The following ROBO1 variants were observed in gnomAD, a reference collection of about 807,000 sequenced individuals.
The protein encoded by ROBO1 is roundabout homolog 1.
A neutral mutation model predicts 195.9 loss-of-function variants in ROBO1; 149 were observed. The observed-to-expected ratio is 0.76, with a 90% confidence interval of 0.67 to 0.87. The LOEUF is 0.87. ROBO1 is among the 40% of genes least tolerant of loss of function. The probability of loss-of-function intolerance (pLI) is 0.00; values close to 1 mark genes in which losing one functional copy is unlikely to be tolerated. For missense variants in ROBO1, 1,933 were observed against 2,068.3 expected (o/e 0.93, Z 1.27); for synonymous variants, 816 against 733.2 (o/e 1.11, Z -1.82).
At chr3:79,056,077 C>G (rs377052514) in intron 3 of ROBO1, among the ~76,000 whole-genome samples, 1 of 152,126 alleles carries the variant, frequency 6.6e-6, no homozygotes, top group South Asian at 2.1e-4. Context: ...ATGCCTGCCC[C>G]TGCTTTAATA....
chr3:78,690,032 A>T (rs2081136948), intron 8 of ROBO1, among the ~76,000 whole-genome samples: 1 of 148,228 alleles, frequency 6.7e-6, no homozygotes, highest in Non-Finnish European at 1.5e-5. Context: ...AAAGTTATAG[A>T]TTTTATAAAT....
chr3:78,874,066 G>A (rs1254936649), intron 4 of ROBO1, among the ~76,000 whole-genome samples: 1 of 151,594 alleles, frequency 6.6e-6, no homozygotes, highest in Non-Finnish European at 1.5e-5. Context: ...TAAAGTATGA[G>A]CAACGGGCAT....
chr3:79,757,510 C>CATATATAT (rs145729181), intron 1 of ROBO1, among the ~76,000 whole-genome samples: 4 of 70,506 alleles, frequency 5.7e-5, no homozygotes, highest in Admixed American at 1.3e-4. Context: ...TCTCTCTCTC[C>CATATATAT]ATATATATAT....
intron 1 of ROBO1, among the ~76,000 whole-genome samples, chr3:79,761,166 T>C (rs952617875): frequency 6.7e-6 from 1 of 148,334 alleles, no homozygotes; most frequent in Non-Finnish European, 1.5e-5. Flanking sequence ...AAATATAATA[T>C]ATGTATATAC....
chr3:79,461,978 T>C (rs1272370360), intron 2 of ROBO1, among the ~76,000 whole-genome samples: 2 of 151,962 alleles, frequency 1.3e-5, no homozygotes, highest in African/African-American at 4.8e-5. Context: ...ATATCATTTA[T>C]ATATTAAGTT....
chr3:78,948,296 A>C (rs999056555), intron 3 of ROBO1, among the ~76,000 whole-genome samples: 35 of 152,226 alleles, frequency 2.3e-4, no homozygotes, highest in East Asian at 7.7e-4. Context: ...TCCAGCAGCA[A>C]ATCAAAAAGC....
intron 3 of ROBO1, among the ~76,000 whole-genome samples, chr3:79,008,753 T>G (rs2077689220): frequency 1.8e-5 from 1 of 55,978 alleles, no homozygotes; most frequent in Admixed American, 3.0e-4. Context: ...TACACCATGC[T>G]AATTTTTTTT....
intron 1 of ROBO1, among the ~76,000 whole-genome samples, chr3:79,734,413 CTTTA>C (rs1703292835): frequency 6.6e-6 from 1 of 152,184 alleles, no homozygotes; most frequent in African/African-American, 2.4e-5. Context: ...ACTATCTGTA[CTTTA>C]TTTGTGTTGT....
chr3:78,641,268 T>C (rs1417672818), intron 21 of ROBO1, among the ~76,000 whole-genome samples: 1 of 152,026 alleles, frequency 6.6e-6, no homozygotes, highest in Non-Finnish European at 1.5e-5. Context: ...TTAAAGTGAG[T>C]GAGTGGCAGA....
intron 5 of ROBO1, among the ~76,000 whole-genome samples, chr3:78,728,110 A>G (rs1038094864): frequency 4.6e-5 from 7 of 152,120 alleles, no homozygotes; most frequent in African/African-American, 1.7e-4. Flanking sequence ...TATAAAAGCT[A>G]TTGATTCTTG....
intron 3 of ROBO1, among the ~76,000 whole-genome samples, chr3:79,090,885 C>G (rs985107141): frequency 1.2e-4 from 18 of 152,090 alleles, no homozygotes; most frequent in African/African-American, 4.3e-4. Flanking sequence ...TTAAATTCTG[C>G]TTTACATTTC....
At chr3:79,696,010 G>A (rs1276533966) in intron 1 of ROBO1, among the ~76,000 whole-genome samples, 1 of 151,336 alleles carries the variant, frequency 6.6e-6, no homozygotes, top group Non-Finnish European at 1.5e-5. Flanking sequence ...TGTTAGAATT[G>A]ACATTATCTA....
intron 29 of ROBO1, among the ~76,000 whole-genome samples, chr3:78,604,884 T>G (rs1204200508): frequency 6.6e-6 from 1 of 152,368 alleles, no homozygotes; most frequent in South Asian, 2.1e-4. Context: ...CTTCCATTTC[T>G]TGTGTTTCTT....
intron 3 of ROBO1, among the ~76,000 whole-genome samples, chr3:78,948,325 T>C (rs1576451924): frequency 6.6e-6 from 1 of 152,174 alleles, no homozygotes. Flanking sequence ...CATGATCAAG[T>C]GGGCTTCATC....
intron 26 of ROBO1, among the ~76,000 whole-genome samples, chr3:78,625,902 G>C (rs1417583661): frequency 6.6e-6 from 1 of 152,110 alleles, no homozygotes; most frequent in East Asian, 1.9e-4. Flanking sequence ...AGCCAGAAGG[G>C]AGGCCAAGGA....
chr3:78,914,689 AATTTAT>A (rs1315127013), intron 4 of ROBO1, among the ~76,000 whole-genome samples: 3 of 147,602 alleles, frequency 2.0e-5, no homozygotes, highest in Admixed American at 6.8e-5. Context: ...TTTTATTTAT[AATTTAT>A]ATTTATAGGT....
chr3:79,393,667 T>C (rs1051429890), intron 2 of ROBO1, among the ~76,000 whole-genome samples: 11 of 152,074 alleles, frequency 7.2e-5, no homozygotes, highest in Admixed American at 2.0e-4. Context: ...TGGCAGAAAC[T>C]GGAGGAGAGC....
At chr3:79,245,704 T>C (rs2082612928) in intron 2 of ROBO1, among the ~76,000 whole-genome samples, 1 of 151,740 alleles carries the variant, frequency 6.6e-6, no homozygotes, top group African/African-American at 2.4e-5. Context: ...GGAAGAGTCA[T>C]TAGGAAAACT....
chr3:78,844,654 A>G (rs1205781937), intron 4 of ROBO1, among the ~76,000 whole-genome samples: 2 of 152,114 alleles, frequency 1.3e-5, no homozygotes, highest in Non-Finnish European at 2.9e-5. Flanking sequence ...CTGAAAATAC[A>G]CTTGATCCTC....
Sources: gnomAD v4.1 joint callset for allele counts (sites outside exome capture counted in the v4.1 genomes callset) on GRCh38, gnomAD v4.1.1 for gene constraint, MANE v1.5 for transcripts, NCBI Gene and HGNC (gene_info 2026-07-23, HGNC 2026-07-21) for gene names.